Variants in ZNF33A observed in about 807,000 individuals in gnomAD.
ZNF33A encodes the protein zinc finger protein 33A, also known as brain my041 protein.
Under a neutral mutation model 15.9 loss-of-function variants are expected in ZNF33A, and 9 were observed. That is an observed-to-expected ratio of 0.57 (90% CI 0.34 to 0.99). ZNF33A has a LOEUF of 0.99. Among genes scored for constraint, ZNF33A ranks in the 50% least tolerant of loss-of-function variants. The probability of loss-of-function intolerance (pLI) is 0.02; values close to 1 mark genes in which losing one functional copy is unlikely to be tolerated. For synonymous variants in ZNF33A, 294 were observed against 324.2 expected (o/e 0.91, Z 1.00); for missense variants, 843 against 941.6 (o/e 0.90, Z 1.37).
chr10:38,021,762 A>G (rs2064757846), intron 4 of ZNF33A, among the ~76,000 whole-genome samples: 1 of 152,250 alleles, frequency 6.6e-6, no homozygotes, highest in South Asian at 2.1e-4. Context: ...GCAGATTTAA[A>G]AGAATTGAAA....
At chr10:38,044,644 T>C (rs2065873292) in intron 4 of ZNF33A, among the ~76,000 whole-genome samples, 1 of 152,182 alleles carries the variant, frequency 6.6e-6, no homozygotes, top group Admixed American at 6.5e-5. Context: ...CTCCCTTTTC[T>C]AAGTAGTGTT....
At position 38,017,286 on chromosome 10, in the gene ZNF33A, A is replaced by C. The variant is rs184764322; in HGVS notation, c.155-5A>C. Reference sequence around the variant, plus strand: ...TCCAAATCCTAAATTATTTCCTGTTAACAGGGTATTGTGTTCACAAACCAG... The same window carrying C: ...TCCAAATCCTAAATTATTTCCTGTTCACAGGGTATTGTGTTCACAAACCAG... On this transcript the variant is annotated splice_region_variant and splice_polypyrimidine_tract_variant and intron_variant, in intron 3 of 4. Transcript: ENST00000432900. 482 of 1,612,852 alleles carry C rather than the reference A, an allele frequency of 3.0e-4. 5 individuals carry two copies. The East Asian group carries it at 0.01, about 35-fold the overall frequency.
Position 38,057,783 on chromosome 10 carries a change from A to G in ZNF33A, c.*1223A>G. The stretch of plus-strand genomic sequence containing the variant: ...AGCCTTCAGCATAAGTGGTAGTCCA[A>G]ATTTTCTTTAAGCAGCTGCTCTCCA... On this transcript the variant is annotated 3_prime_UTR_variant, in exon 5 of 5. Coordinates refer to ENST00000432900, the MANE Select transcript of ZNF33A (RefSeq NM_006954.2). 1.0e-6 allele frequency: 1 copy of G among 985,484 alleles called. No homozygotes were observed. The highest frequency in any genetic ancestry group is 1.7e-5 in the African/African-American group (1 of 57,368). 61.0% of individuals were successfully genotyped at this position (985,484 alleles called of 1,614,324 possible). A position where few individuals can be genotyped will look rare whatever the true frequency, so the allele number is the denominator to read the frequency against.
At position 38,054,525 on chromosome 10, in the gene ZNF33A, C is replaced by T; in HGVS notation, c.401C>T (p.Pro134Leu). The change falls in exon 5 of 5, where the codon CCT (proline) becomes CTT (leucine). Residue 134 changes from proline (P) to leucine (L), a missense_variant. Physicochemically the swap from Pro to Leu is moderately conservative, Grantham distance 98. Coordinates refer to ENST00000432900, the MANE Select transcript of ZNF33A (RefSeq NM_006954.2). ...IPFNVDVSSF[P>L]SRKMFCQCDS... ...TTTAATGTGGATGTAAGTTCTTTTC[C>T]TTCCAGAAAAATGTTCTGTCAGTGT... is the stretch of plus-strand genomic sequence containing the variant. 1 of 1,612,622 alleles carries T rather than the reference C, an allele frequency of 6.2e-7. No homozygotes were observed. The highest frequency in any genetic ancestry group is 8.5e-7 in the Non-Finnish European group (1 of 1,179,540).
At chr10:38,023,033 C>T (rs573947944) in intron 4 of ZNF33A, among the ~76,000 whole-genome samples, 265 of 152,136 alleles carry the variant, frequency 1.7e-3, no homozygotes, top group Middle Eastern at 3.4e-3. Context: ...GCAACCTCTG[C>T]CTCCCGGGTT....
intron 1 of ZNF33A, among the ~76,000 whole-genome samples, chr10:38,011,354 G>T (rs1416377688): frequency 2.0e-5 from 3 of 152,154 alleles, no homozygotes; most frequent in African/African-American, 7.2e-5. Flanking sequence ...GGAGGCCGAG[G>T]CGGGTGGATC....
At chr10:38,029,607 A>AC (rs1428896325) in intron 4 of ZNF33A, among the ~76,000 whole-genome samples, 1 of 152,056 alleles carries the variant, frequency 6.6e-6, no homozygotes, top group Non-Finnish European at 1.5e-5. Flanking sequence ...GGAGCTGTGT[A>AC]CTCCACCATT....
At chr10:38,016,324 T>A (rs1465370537) in intron 2 of ZNF33A, among the ~76,000 whole-genome samples, 1 of 152,230 alleles carries the variant, frequency 6.6e-6, no homozygotes, top group African/African-American at 2.4e-5. Context: ...CTAAAATTAC[T>A]CTATAACCCA....
intron 4 of ZNF33A, among the ~76,000 whole-genome samples, chr10:38,034,027 T>C (rs1323964441): frequency 6.6e-6 from 1 of 152,148 alleles, no homozygotes; most frequent in Non-Finnish European, 1.5e-5. Flanking sequence ...TGAACATCTT[T>C]TTATGCACTT....
At chr10:38,013,509 C>T (rs1780254787) in intron 2 of ZNF33A, among the ~76,000 whole-genome samples, 1 of 151,696 alleles carries the variant, frequency 6.6e-6, no homozygotes, top group South Asian at 2.1e-4. Flanking sequence ...CTCACTGCAA[C>T]CTCCGACTCC....
intron 4 of ZNF33A, among the ~76,000 whole-genome samples, chr10:38,032,276 C>A (rs1164113177): frequency 2.0e-5 from 3 of 152,152 alleles, no homozygotes; most frequent in African/African-American, 4.8e-5. Context: ...AAGAACAATA[C>A]ATAATATCAG....
chr10:38,023,555 T>C (rs947534389), intron 4 of ZNF33A, among the ~76,000 whole-genome samples: 4 of 152,184 alleles, frequency 2.6e-5, no homozygotes, highest in Admixed American at 2.0e-4. Context: ...TTTGACAAAA[T>C]GCAATATCCA....
At chr10:38,016,153 T>G (rs920300525) in intron 2 of ZNF33A, 7 of 526,106 alleles carry the variant, frequency 1.3e-5, no homozygotes, top group Non-Finnish European at 2.0e-5. Context: ...GAAGAAAATG[T>G]CAGGCTCTTT....
chr10:38,020,459 GT>G (rs1447649242), intron 4 of ZNF33A, among the ~76,000 whole-genome samples: 4 of 151,926 alleles, frequency 2.6e-5, no homozygotes, highest in Non-Finnish European at 4.4e-5. Flanking sequence ...CTTTCTAAAG[GT>G]TTTTTTCTAC....
intron 4 of ZNF33A, among the ~76,000 whole-genome samples, chr10:38,053,815 C>T (rs2066326140): frequency 6.6e-6 from 1 of 152,086 alleles, no homozygotes; most frequent in African/African-American, 2.4e-5. Flanking sequence ...TGAAACTTTC[C>T]CTTTCTGGGA....
chr10:38,010,529 G>C, upstream of ZNF33A: 2 of 687,020 alleles, frequency 2.9e-6, no homozygotes, highest in East Asian at 2.6e-5. Context: ...GACCGCATCT[G>C]CCCACTGCCT....
In ZNF33A at chr10:38,058,382, C is replaced by G. The variant is rs2066569305; in HGVS notation, c.*1822C>G. The G allele has an allele frequency of 6.6e-6, 1 of 152,138 alleles. No individual in the cohort carries two copies. 9.4% of individuals were successfully genotyped at this position (152,138 alleles called of 1,614,324 possible). ...ATTTGATAACTTAGCTAAAATGGAC[C>G]AATTCCTTGCAAGACGCATTCTCTC... On this transcript the variant is annotated 3_prime_UTR_variant, in exon 5 of 5. Coordinates refer to ENST00000432900, the MANE Select transcript of ZNF33A (RefSeq NM_006954.2).
At chr10:38,017,811 A>G (rs188339375) in intron 4 of ZNF33A, 90 of 159,496 alleles carry the variant, frequency 5.6e-4, no homozygotes, top group African/African-American at 2.1e-3. Flanking sequence ...TAATGATGAA[A>G]AACATTAGGC....
downstream of ZNF33A, among the ~76,000 whole-genome samples, chr10:38,062,104 G>T (rs182833885): frequency 3.9e-5 from 6 of 152,250 alleles, no homozygotes; most frequent in African/African-American, 1.4e-4. Context: ...GAGAGAACAC[G>T]CTAGAACCCT....
Sources: allele counts gnomAD v4.1 joint callset (sites outside exome capture counted in the v4.1 genomes callset), GRCh38; gene constraint gnomAD v4.1.1; transcripts MANE v1.5; gene names NCBI Gene and HGNC (gene_info 2026-07-23, HGNC 2026-07-21).